Variants in ADGRA3 observed in about 807,000 individuals in gnomAD.
ADGRA3 encodes G-protein coupled receptor 125.
Under a neutral mutation model 119.8 loss-of-function variants are expected in ADGRA3, and 56 were observed. The ratio of observed to expected loss-of-function variants is 0.47; its 90% CI spans 0.38 to 0.58. The LOEUF is 0.58. Ranked by LOEUF, ADGRA3 falls within the 20% of genes least tolerant of loss-of-function variation. The pLI, the probability that ADGRA3 is intolerant of heterozygous loss-of-function variation, is 0.00. For missense variants in ADGRA3, 1,516 were observed against 1,649.0 expected (o/e 0.92, Z 1.40); for synonymous variants, 607 against 623.8 (o/e 0.97, Z 0.40).
chr4:22,442,212 T>C (rs958768759), intron 7 of ADGRA3, among the ~76,000 whole-genome samples: 2 of 152,168 alleles, frequency 1.3e-5, no homozygotes, highest in East Asian at 3.8e-4. Flanking sequence ...ATTATGAGGT[T>C]GATAGTTCAG....
chr4:22,388,102 T>A lies in ADGRA3; in HGVS notation c.3569A>T (p.Tyr1190Phe). ...CACGCTCGTTGGGACATCGTAGGCA[T>A]ATTCTCTCAGGACTGTGAGTCGGCT... ...RASRLTVLRE[Y>F]AYDVPTSVEG... Residue 1190 changes from tyrosine (Y) to phenylalanine (F), a missense_variant, in exon 19 of 19, where the codon TAT becomes TTT. By Grantham distance (22) the Tyr-to-Phe change is conservative. Transcript: ENST00000334304. 1 of 1,614,192 alleles carries A rather than the reference T, an allele frequency of 6.2e-7. No homozygotes were observed. Among genetic ancestry groups the A allele is most frequent in the Non-Finnish European group, 8.5e-7 (1 of 1,180,024 alleles).
intron 1 of ADGRA3, among the ~76,000 whole-genome samples, chr4:22,479,054 C>T (rs1718154573): frequency 6.6e-6 from 1 of 152,052 alleles, no homozygotes; most frequent in Non-Finnish European, 1.5e-5. Context: ...AAAAACCTCC[C>T]CAATAGATGC....
At chr4:22,502,789 G>T (rs1404043399) in intron 1 of ADGRA3, among the ~76,000 whole-genome samples, 2 of 150,002 alleles carry the variant, frequency 1.3e-5, no homozygotes, top group African/African-American at 4.9e-5. Context: ...TTTAAGCCTT[G>T]ACCTTGTATG....
chr4:22,483,284 A>C (rs1181562722), intron 1 of ADGRA3, among the ~76,000 whole-genome samples: 1 of 152,152 alleles, frequency 6.6e-6, no homozygotes, highest in Admixed American at 6.6e-5. Context: ...CAGGAGACCC[A>C]ACAGAAAAGG....
intron 16 of ADGRA3, among the ~76,000 whole-genome samples, chr4:22,395,246 T>C (rs1339479548): frequency 1.3e-5 from 2 of 152,238 alleles, no homozygotes; most frequent in East Asian, 1.9e-4. Flanking sequence ...TTCCACTCTA[T>C]GTATTTGTTA....
At chr4:22,494,215 A>G (rs531850196) in intron 1 of ADGRA3, among the ~76,000 whole-genome samples, 2 of 151,508 alleles carry the variant, frequency 1.3e-5, no homozygotes, top group Non-Finnish European at 2.9e-5. Context: ...AGAAAAAAAA[A>G]AAAAATAAGA....
At chr4:22,400,846 G>A (rs549829185) in intron 16 of ADGRA3, among the ~76,000 whole-genome samples, 1 of 151,962 alleles carries the variant, frequency 6.6e-6, no homozygotes, top group Non-Finnish European at 1.5e-5. Context: ...TATCATGCAT[G>A]TGAAAAAAAT....
Position 22,491,658 on chromosome 4 carries a change from C to CGAG in ADGRA3, c.258-17818_258-17816dup, listed in dbSNP as rs548427998. 9.9e-4 allele frequency among the ~76,000 whole-genome samples: 150 copies of CGAG among 152,220 alleles called. 1 individual carries two copies. The highest frequency in any genetic ancestry group is 6.6e-3 in the Admixed American group (101 of 15,280). On this transcript the variant is annotated intron_variant, in intron 1 of 18. Transcript: ENST00000334304. ...ACAAGAATCCTCAGGGTCCTTTAAG[C>CGAG]GAGAATCTCGCTACCCTTGATGTCT... is the stretch of plus-strand genomic sequence containing the variant.
intron 9 of ADGRA3, 100 bp from the exon 10 acceptor site, chr4:22,435,566 T>A: frequency 9.4e-7 from 1 of 1,067,614 alleles, no homozygotes; most frequent in Non-Finnish European, 1.3e-6. Flanking sequence ...AGCAACGAAT[T>A]AAAAACTTTA....
At position 22,388,346 on chromosome 4, in the gene ADGRA3, A is replaced by T. The variant is rs1362749762; in HGVS notation, c.3325T>A (p.Ser1109Thr). The T allele has an allele frequency of 6.2e-7, 1 of 1,613,976 alleles. No individual in the cohort carries two copies. Among genetic ancestry groups the T allele is most frequent in the Admixed American group, 1.7e-5 (1 of 60,012 alleles). Reference sequence around the variant, plus strand: ...TTTGTTAATTTGCAGCCCTGGGAGGAATTTTTGAAGCTTGAAGCACTTTTG... The same window carrying T: ...TTTGTTAATTTGCAGCCCTGGGAGGTATTTTTGAAGCTTGAAGCACTTTTG... ...TNKSASSFKN[S>T]SQGCKLTNLQ... Residue 1109 changes from serine to threonine, a missense_variant, in exon 19 of 19, where the codon TCC (serine) becomes ACC (threonine). Coordinates refer to ENST00000334304, the MANE Select transcript of ADGRA3 (RefSeq NM_145290.4).
intron 1 of ADGRA3, among the ~76,000 whole-genome samples, chr4:22,485,296 C>T (rs1411435872): frequency 6.6e-6 from 1 of 152,160 alleles, no homozygotes; most frequent in African/African-American, 2.4e-5. Flanking sequence ...CTCAAGTGAT[C>T]CACCCGCCTT....
intron 1 of ADGRA3, among the ~76,000 whole-genome samples, chr4:22,480,530 A>C (rs1718229001): frequency 6.6e-6 from 1 of 152,018 alleles, no homozygotes; most frequent in African/African-American, 2.4e-5. Flanking sequence ...AAACAAAACA[A>C]AAAAAATCAA....
intron 1 of ADGRA3, among the ~76,000 whole-genome samples, chr4:22,513,811 C>T (rs1403939986): frequency 1.5e-5 from 2 of 134,320 alleles, no homozygotes; most frequent in African/African-American, 5.9e-5. Flanking sequence ...CCATGCCCAA[C>T]CTTAACTTTA....
intron 14 of ADGRA3, among the ~76,000 whole-genome samples, chr4:22,405,099 T>C (rs1714845904): frequency 6.6e-6 from 1 of 152,040 alleles, no homozygotes; most frequent in South Asian, 2.1e-4. Context: ...GGAGAAGGGG[T>C]AGAAGAAAGG....
chr4:22,420,437 C>T (rs889166877), intron 12 of ADGRA3: 1 of 169,526 alleles, frequency 5.9e-6, no homozygotes, highest in Non-Finnish European at 1.2e-5. Flanking sequence ...ATACAGCTTG[C>T]TTGATTAAAC....
intron 12 of ADGRA3, among the ~76,000 whole-genome samples, chr4:22,415,976 G>T (rs1226875941): frequency 6.6e-6 from 1 of 152,164 alleles, no homozygotes; most frequent in Non-Finnish European, 1.5e-5. Context: ...AATAATAACT[G>T]CAGGTTCCCT....
At chr4:22,486,424 A>G (rs1718435065) in intron 1 of ADGRA3, among the ~76,000 whole-genome samples, 1 of 152,134 alleles carries the variant, frequency 6.6e-6, no homozygotes, top group Non-Finnish European at 1.5e-5. Flanking sequence ...AACTCATAGA[A>G]AAAGCTTGAC....
intron 7 of ADGRA3, among the ~76,000 whole-genome samples, chr4:22,441,717 G>C (rs1245673887): frequency 6.6e-6 from 1 of 152,080 alleles, no homozygotes; most frequent in Non-Finnish European, 1.5e-5. Context: ...AAAGCAGCCA[G>C]TAGCAATAAC....
Position 22,421,045 on chromosome 4 carries a change from A to C in ADGRA3, c.1650T>G (p.Thr550=). The part of the protein sequence containing the change: ...IALEAYVIKS[T]GFTGMTCTVF... ...CGGTACAGGTCATCCCCGTGAAGCC[A>C]GTAGACTTGATGACATAAGCTTCCA... Residue 550 remains threonine, a synonymous_variant, in exon 12 of 19, where the codon ACT becomes ACG. Coordinates refer to ENST00000334304, the MANE Select transcript of ADGRA3 (RefSeq NM_145290.4). 1 of 1,614,096 alleles carries C rather than the reference A, an allele frequency of 6.2e-7. No individual in the cohort carries two copies. Among genetic ancestry groups the C allele is most frequent in the African/African-American group, 1.3e-5 (1 of 75,050 alleles).
Sources: allele counts gnomAD v4.1 joint callset (sites outside exome capture counted in the v4.1 genomes callset), GRCh38; gene constraint gnomAD v4.1.1; transcripts MANE v1.5; gene names NCBI Gene and HGNC (gene_info 2026-07-23, HGNC 2026-07-21).